ASAP3: variants seen among roughly 807,000 people sequenced by gnomAD.
ASAP3 encodes ArfGAP with SH3 domain, ankyrin repeat and PH domain 3.
In ASAP3, 85 loss-of-function variants were observed where a neutral mutation model predicts 118.2. The observed-to-expected ratio is 0.72, with a 90% CI of 0.60 to 0.86. The LOEUF is 0.86. Among genes scored for constraint, ASAP3 ranks in the 40% least tolerant of loss-of-function variants. ASAP3 has a pLI of 0.00. For synonymous variants in ASAP3, 432 were observed against 477.4 expected (o/e 0.90, Z 1.24); for missense variants, 1,026 against 1,175.0 (o/e 0.87, Z 1.85).
At chr1:23,431,576 G>C (rs1640431751) in intron 23 of ASAP3, 120 bp downstream of exon 23, 15 of 957,042 alleles carry the variant, frequency 1.6e-5, no homozygotes, top group Admixed American at 2.9e-5. Flanking sequence ...ATAAGTGATG[G>C]GCCCAGAGAT....
intron 3 of ASAP3, among the ~76,000 whole-genome samples, chr1:23,454,333 C>T (rs1024631291): frequency 6.6e-6 from 1 of 152,104 alleles, no homozygotes; most frequent in Admixed American, 6.6e-5. Flanking sequence ...ATTACAGGCA[C>T]CTGATACCAC....
At chr1:23,476,824 TCTGGAGCAC>T (rs1284150573) in intron 1 of ASAP3, among the ~76,000 whole-genome samples, 2 of 152,078 alleles carry the variant, frequency 1.3e-5, no homozygotes, top group African/African-American at 4.8e-5. Context: ...GTCCCCTCCA[TCTGGAGCAC>T]CCCCATACCA....
chr1:23,443,398 C>A (rs964837105), intron 5 of ASAP3, among the ~76,000 whole-genome samples: 2 of 152,154 alleles, frequency 1.3e-5, no homozygotes, highest in Non-Finnish European at 2.9e-5. Flanking sequence ...TCTGCTCTGT[C>A]TGTCCACATG....
In ASAP3 at chr1:23,437,413, G is replaced by A; in HGVS notation, c.1151+11C>T. The A allele has an allele frequency of 1.2e-6, 2 of 1,613,806 alleles. No individual in the cohort carries two copies. On this transcript the variant is annotated intron_variant, in intron 13 of 24. Transcript: ENST00000336689. This position sits in a 1 kb window ranked among gnomAD's most constrained non-coding sequence, Gnocchi z 6.1. ...CACAAGGCTGGCCGGGCTGGCCGAG[G>A]GGGCACTCACGCCTCACACTCGTGC...
intron 1 of ASAP3, among the ~76,000 whole-genome samples, chr1:23,472,565 C>T (rs1213039540): frequency 2.0e-5 from 3 of 152,214 alleles, no homozygotes; most frequent in Non-Finnish European, 2.9e-5. Context: ...TCAGGCTTAG[C>T]TGTTCATTCC....
intron 4 of ASAP3, 64 bp downstream of exon 4, chr1:23,452,633 C>G: frequency 6.4e-7 from 1 of 1,551,332 alleles, no homozygotes; most frequent in Non-Finnish European, 8.9e-7. Flanking sequence ...CCCTGCCCCC[C>G]AACAGTCTCC....
chr1:23,455,404 G>C, intron 3 of ASAP3, among the ~76,000 whole-genome samples: 1 of 152,208 alleles, frequency 6.6e-6, no homozygotes, highest in East Asian at 1.9e-4. Context: ...TACAGGGGCT[G>C]AGACGCTTGT....
chr1:23,432,832 T>G (rs1640486846), intron 22 of ASAP3, among the ~76,000 whole-genome samples: 2 of 150,604 alleles, frequency 1.3e-5, no homozygotes, highest in East Asian at 1.9e-4. Context: ...AGTGGAGCAT[T>G]GAGGAATTTG....
intron 9 of ASAP3, 78 bp downstream of exon 9, chr1:23,441,309 G>A (rs1640865751): frequency 1.2e-6 from 2 of 1,604,320 alleles, no homozygotes; most frequent in Non-Finnish European, 1.7e-6. Flanking sequence ...AGGGGACCCT[G>A]TGGGTCTTCC....
At chr1:23,467,052 A>T (rs1641794108) in intron 1 of ASAP3, among the ~76,000 whole-genome samples, 1 of 151,870 alleles carries the variant, frequency 6.6e-6, no homozygotes. Flanking sequence ...TAGTAGAGAC[A>T]GGGGTTTCAC....
At chr1:23,472,151 C>T (rs1293694056) in intron 1 of ASAP3, among the ~76,000 whole-genome samples, 1 of 152,198 alleles carries the variant, frequency 6.6e-6, no homozygotes, top group Non-Finnish European at 1.5e-5. Flanking sequence ...TCTGGAATTA[C>T]ATAGTGGTGA....
intron 1 of ASAP3, among the ~76,000 whole-genome samples, chr1:23,476,663 A>G (rs760896600): frequency 1.3e-5 from 2 of 152,216 alleles, no homozygotes; most frequent in Non-Finnish European, 2.9e-5. Flanking sequence ...TACCAGGGCC[A>G]TCAAACTTGA....
chr1:23,440,750 G>A (rs1166831194), intron 10 of ASAP3, among the ~76,000 whole-genome samples: 3 of 150,990 alleles, frequency 2.0e-5, no homozygotes, highest in East Asian at 1.9e-4. Context: ...CCAGCTACTC[G>A]GGAGGCTGAG....
intron 4 of ASAP3, among the ~76,000 whole-genome samples, chr1:23,451,829 T>C (rs1389896704): frequency 6.6e-6 from 1 of 152,206 alleles, no homozygotes; most frequent in Non-Finnish European, 1.5e-5. Flanking sequence ...CTTTGGGCTC[T>C]ACCCTGAGTC....
chr1:23,433,434 C>T lies in ASAP3; in HGVS notation c.2118G>A (p.Glu706=). 6.2e-7 allele frequency: 1 copy of T among 1,614,200 alleles called. No homozygotes were observed. ...TEPGSDSEED[E]EEKRCLLKLP... is the part of the protein sequence containing the mutation. The stretch of plus-strand genomic sequence containing the variant: ...CAGGGCTGGGACCCACCTTCTCTTC[C>T]TCATCCTCCTCACTGTCAGAGCCAG... The change falls in exon 21 of 25, where the codon GAG becomes GAA. Residue 706 remains glutamate (E), a synonymous_variant. Transcript: ENST00000336689.
chr1:23,440,360 G>C lies in ASAP3; in HGVS notation c.944+742C>G, dbSNP rs187057708. Among the ~76,000 whole-genome samples, 87 of 145,850 alleles carry C rather than the reference G, an allele frequency of 6.0e-4. 1 individual carries two copies. Among genetic ancestry groups the C allele is most frequent in the African/African-American group, 2.1e-3 (84 of 39,662 alleles). On this transcript the variant is annotated intron_variant, in intron 10 of 24. Coordinates refer to ENST00000336689, the MANE Select transcript of ASAP3 (RefSeq NM_017707.4). ...ACTAAAAATACAAAAAATTAGCTGG[G>C]CGTAGTGGCGGGCACCTGTAGTCCC...
chr1:23,466,546 G>C (rs1641775843), intron 1 of ASAP3, among the ~76,000 whole-genome samples: 1 of 152,192 alleles, frequency 6.6e-6, no homozygotes. Flanking sequence ...CCATGCTCTG[G>C]CTCTCTGGTT....
rs539096040 is a variant in ASAP3, at chr1:23,469,405, A to G, written c.130-13211T>C. Among the ~76,000 whole-genome samples the G allele has an allele frequency of 2.6e-5, 4 of 152,282 alleles. No individual in the cohort carries two copies. In the South Asian group the frequency reaches 6.2e-4, roughly 24 times the overall value. On this transcript the variant is annotated intron_variant, in intron 1 of 24. Coordinates refer to ENST00000336689, the MANE Select transcript of ASAP3 (RefSeq NM_017707.4). The stretch of plus-strand genomic sequence containing the variant: ...TAACCAAACCTCTAGGTTTTATTCT[A>G]TAAGTGATGGGGTGCTCCTGAAGGG...
Position 23,441,425 on chromosome 1 carries a change from C to G in ASAP3, c.796G>C (p.Asp266His). The G allele has an allele frequency of 6.2e-7, 1 of 1,614,130 alleles. No individual in the cohort carries two copies. Among genetic ancestry groups the G allele is most frequent in the Non-Finnish European group, 8.5e-7 (1 of 1,180,026 alleles). ...DELQKLTQLR[D>H]SLRGTLQLES... ...AGCTGCAGTGTCCCTCGGAGGGAGT[C>G]CCGGAGCTGGGTCAGCTTCTGTAGC... is the stretch of plus-strand genomic sequence containing the variant. Residue 266 changes from aspartate to histidine, a missense_variant, in exon 9 of 25, where the codon GAC (aspartate) becomes CAC (histidine). Coordinates refer to ENST00000336689, the MANE Select transcript of ASAP3 (RefSeq NM_017707.4).
Sources: allele counts gnomAD v4.1 joint callset (sites outside exome capture counted in the v4.1 genomes callset), GRCh38; gene constraint gnomAD v4.1.1; non-coding constraint Gnocchi (gnomAD v3.1); transcripts MANE v1.5; gene names NCBI Gene and HGNC (gene_info 2026-07-23, HGNC 2026-07-21).